CCDC178: variants seen among roughly 807,000 people sequenced by gnomAD.
CCDC178 encodes coiled-coil domain-containing protein 178.
In CCDC178, 126 loss-of-function variants were observed where a neutral mutation model predicts 117.4. The ratio of observed to expected loss-of-function variants is 1.07; its 90% CI spans 0.93 to 1.24. CCDC178 has a LOEUF of 1.24. CCDC178 is among the 50% of genes most tolerant of loss of function. CCDC178 has a pLI of 0.00. For synonymous variants in CCDC178, 283 were observed against 313.4 expected (o/e 0.90, Z 1.02); for missense variants, 1,030 against 986.9 (o/e 1.04, Z -0.59).
intron 22 of CCDC178, among the ~76,000 whole-genome samples, chr18:32,965,639 C>A (rs2054794988): frequency 6.6e-6 from 1 of 151,650 alleles, no homozygotes; most frequent in Non-Finnish European, 1.5e-5. Flanking sequence ...GGGAGTGTAT[C>A]TTTAGTATAA....
intron 21 of CCDC178, among the ~76,000 whole-genome samples, chr18:32,999,359 T>G (rs755436590): frequency 6.6e-6 from 1 of 152,172 alleles, no homozygotes; most frequent in East Asian, 1.9e-4. Flanking sequence ...TTTCCAACTT[T>G]AGGCTCTGGC....
intron 21 of CCDC178, 37 bp downstream of exon 21, chr18:33,092,724 T>C: frequency 6.8e-7 from 1 of 1,463,526 alleles, no homozygotes. Context: ...ATATATGACA[T>C]AAATCATCAC....
chr18:33,320,109 A>G (rs1255146101), intron 11 of CCDC178, among the ~76,000 whole-genome samples: 1 of 152,228 alleles, frequency 6.6e-6, no homozygotes, highest in African/African-American at 2.4e-5. Context: ...AATAAGAGCT[A>G]TTTATGACAA....
intron 20 of CCDC178, among the ~76,000 whole-genome samples, chr18:33,143,446 C>T (rs1303888809): frequency 6.6e-6 from 1 of 152,128 alleles, no homozygotes; most frequent in African/African-American, 2.4e-5. Context: ...AATGTAGCCC[C>T]TGAATATCCT....
chr18:32,943,106 G>C (rs1322730750), intron 22 of CCDC178, among the ~76,000 whole-genome samples: 1 of 152,174 alleles, frequency 6.6e-6, no homozygotes. Flanking sequence ...GCTGAATGAT[G>C]AGGTTGCCTT....
At chr18:32,993,399 T>C (rs780702582) in intron 21 of CCDC178, among the ~76,000 whole-genome samples, 48 of 152,136 alleles carry the variant, frequency 3.2e-4, no homozygotes, top group Non-Finnish European at 6.6e-4. Flanking sequence ...GACAACCCAA[T>C]TGTCCCTTAA....
chr18:33,327,655 T>G (rs2062603184), intron 10 of CCDC178, among the ~76,000 whole-genome samples: 1 of 152,168 alleles, frequency 6.6e-6, no homozygotes, highest in Admixed American at 6.5e-5. Flanking sequence ...TGGGTATGAC[T>G]GGTATCTTAT....
chr18:33,048,144 T>C (rs1044511139), intron 21 of CCDC178, among the ~76,000 whole-genome samples: 2 of 152,144 alleles, frequency 1.3e-5, no homozygotes, highest in South Asian at 4.1e-4. Context: ...GGTTACCAGG[T>C]GCTAGGGGAA....
At chr18:33,025,835 A>T (rs1046212316) in intron 21 of CCDC178, among the ~76,000 whole-genome samples, 1 of 152,154 alleles carries the variant, frequency 6.6e-6, no homozygotes, top group African/African-American at 2.4e-5. Flanking sequence ...CACACGAATC[A>T]CTTAATTACC....
At chr18:33,011,356 A>G (rs929369002) in intron 21 of CCDC178, among the ~76,000 whole-genome samples, 3 of 152,148 alleles carry the variant, frequency 2.0e-5, no homozygotes, top group Non-Finnish European at 4.4e-5. Flanking sequence ...AACTAAAGCA[A>G]AGCCACAGTA....
Position 33,259,907 on chromosome 18 carries a change from C to G in CCDC178, c.1409+7009G>C. Among the ~76,000 whole-genome samples the G allele has an allele frequency of 1.3e-5, 2 of 152,080 alleles. 1 individual carries two copies. Among genetic ancestry groups the G allele is most frequent in the East Asian group, 3.9e-4 (2 of 5,190 alleles). On this transcript the variant is annotated intron_variant, in intron 14 of 22. Coordinates refer to ENST00000383096, the MANE Select transcript of CCDC178 (RefSeq NM_001105528.4). ...ACACATTTTAGTTGGACTGAATTAA[C>G]AATTTATGTAATTTAATATTTATTT...
At chr18:33,196,280 C>G (rs1598987974) in intron 20 of CCDC178, among the ~76,000 whole-genome samples, 1 of 152,126 alleles carries the variant, frequency 6.6e-6, no homozygotes, top group East Asian at 1.9e-4. Flanking sequence ...ATACCAAAGG[C>G]TTCCCTGGTT....
At chr18:32,985,674 T>C (rs1402706741) in intron 21 of CCDC178, among the ~76,000 whole-genome samples, 1 of 152,010 alleles carries the variant, frequency 6.6e-6, no homozygotes, top group African/African-American at 2.4e-5. Flanking sequence ...GTGAACTAAA[T>C]TGAAGATACT....
At chr18:33,120,601 G>A (rs1218414002) in intron 20 of CCDC178, among the ~76,000 whole-genome samples, 9 of 152,118 alleles carry the variant, frequency 5.9e-5, no homozygotes, top group Admixed American at 5.9e-4. Context: ...CAGCTGAGAT[G>A]CTTGCTGAGG....
At chr18:33,342,338 G>T (rs1184028633) in intron 9 of CCDC178, among the ~76,000 whole-genome samples, 1 of 152,190 alleles carries the variant, frequency 6.6e-6, no homozygotes, top group East Asian at 1.9e-4. Context: ...ATCAGGAATA[G>T]TTATAAGAAA....
intron 20 of CCDC178, among the ~76,000 whole-genome samples, chr18:33,209,988 G>A (rs563927367): frequency 6.6e-6 from 1 of 152,090 alleles, no homozygotes; most frequent in South Asian, 2.1e-4. Flanking sequence ...CACCCAGGAT[G>A]AGTTTGGTAA....
intron 11 of CCDC178, among the ~76,000 whole-genome samples, chr18:33,307,866 G>A (rs1259519381): frequency 1.3e-5 from 2 of 152,228 alleles, no homozygotes; most frequent in Non-Finnish European, 2.9e-5. Flanking sequence ...GCCTGTGGGT[G>A]CATGGATTGA....
At chr18:33,192,833 G>A (rs370400567) in intron 20 of CCDC178, among the ~76,000 whole-genome samples, 1 of 150,900 alleles carries the variant, frequency 6.6e-6, no homozygotes, top group Non-Finnish European at 1.5e-5. Flanking sequence ...CCCGGGAGGC[G>A]GAGATTGCAG....
chr18:33,248,546 C>T (rs1381001351), intron 14 of CCDC178, among the ~76,000 whole-genome samples: 1 of 151,416 alleles, frequency 6.6e-6, no homozygotes, highest in Middle Eastern at 3.2e-3. Flanking sequence ...TGATAGTTTG[C>T]TGAGAATGAT....
Sources: allele counts gnomAD v4.1 joint callset (sites outside exome capture counted in the v4.1 genomes callset), GRCh38; gene constraint gnomAD v4.1.1; transcripts MANE v1.5; gene names NCBI Gene and HGNC (gene_info 2026-07-23, HGNC 2026-07-21).